Variants in CROCC2 observed in about 807,000 individuals in gnomAD.
CROCC2 encodes ciliary rootlet coiled-coil protein 2.
A neutral mutation model predicts 177.6 loss-of-function variants in CROCC2; 163 were observed. The observed-to-expected ratio is 0.92, with a 90% CI of 0.81 to 1.05. The LOEUF (loss-of-function observed/expected upper bound fraction) is 1.05. CROCC2 is among the 50% of genes least tolerant of loss of function. The pLI is 0.00. For missense variants in CROCC2, 1,929 were observed against 1,797.8 expected (o/e 1.07, Z -1.32); for synonymous variants, 904 against 787.3 (o/e 1.15, Z -2.48).
intron 14 of CROCC2, among the ~76,000 whole-genome samples, chr2:240,945,533 T>G (rs902957341): frequency 6.6e-6 from 1 of 152,190 alleles, no homozygotes; most frequent in East Asian, 1.9e-4. Context: ...AATGAGCAAA[T>G]GCCTTGAGGA....
intron 14 of CROCC2, among the ~76,000 whole-genome samples, chr2:240,944,329 A>G (rs567771583): frequency 6.6e-6 from 1 of 152,190 alleles, no homozygotes; most frequent in Non-Finnish European, 1.5e-5. Flanking sequence ...GTTACAGCTC[A>G]TTTTAAGTCT....
rs748337456 is a variant in CROCC2 at position 240,973,054 on chromosome 2, T to G, written c.4401+4792T>G. The stretch of plus-strand genomic sequence containing the variant: ...GCAGGCCTGGTGCCTCTCCTGGCTC[T>G]GCCAAGCTCCCGGCACAGTCTAGAG... On this transcript the variant is annotated intron_variant, in intron 27 of 31. Transcript: ENST00000690015. This position sits in a 1 kb window ranked among gnomAD's most constrained non-coding sequence, Gnocchi z 4.7. Among the ~76,000 whole-genome samples, 1 of 152,202 alleles carries G rather than the reference T, an allele frequency of 6.6e-6. No individual in the cohort carries two copies. Among genetic ancestry groups the G allele is most frequent in the Non-Finnish European group, 1.5e-5 (1 of 68,028 alleles).
intron 14 of CROCC2, among the ~76,000 whole-genome samples, chr2:240,940,940 A>G (rs2059491694): frequency 6.6e-6 from 1 of 152,262 alleles, no homozygotes; most frequent in Admixed American, 6.5e-5. Flanking sequence ...TCATATACCT[A>G]AAGACTCCTC....
chr2:240,985,490 CACACACACACCCAGGCACTCACTCT>C (rs2059832446), intron 28 of CROCC2, among the ~76,000 whole-genome samples: 2 of 26,714 alleles, frequency 7.5e-5, no homozygotes, highest in African/African-American at 2.5e-4. Flanking sequence ...GCACTCACTC[CACACACACACCCAGGCACTCACTCT>C]ACACACACAC....
intron 27 of CROCC2, among the ~76,000 whole-genome samples, chr2:240,981,159 A>C (rs1268117439): frequency 6.8e-6 from 1 of 146,622 alleles, no homozygotes; most frequent in Non-Finnish European, 1.5e-5. Context: ...CTGGGGTAGG[A>C]GCCTCTGGAG....
chr2:240,948,766 G>A (rs573300731), intron 15 of CROCC2, among the ~76,000 whole-genome samples: 1 of 152,156 alleles, frequency 6.6e-6, no homozygotes. Flanking sequence ...GGCTTTTTGG[G>A]GGGACTCTTT....
intron 5 of CROCC2, 82 bp from the exon 6 acceptor site, chr2:240,930,084 G>T: frequency 1.9e-6 from 1 of 518,996 alleles, no homozygotes; most frequent in South Asian, 3.6e-5. Context: ...CATGGAGAGG[G>T]ACATGCACTT....
chr2:240,966,687 A>T (rs898741553), intron 25 of CROCC2, among the ~76,000 whole-genome samples: 1 of 152,114 alleles, frequency 6.6e-6, no homozygotes, highest in Admixed American at 6.5e-5. Context: ...TCTGCAACTC[A>T]TGCCACCCCT....
At chr2:240,967,302 C>T (rs995620897) in intron 25 of CROCC2, 43 bp from the exon 26 acceptor site, 20 of 631,262 alleles carry the variant, frequency 3.2e-5, no homozygotes, top group South Asian at 5.4e-5. Context: ...GCCCTCCACC[C>T]GCCCATTGGA....
Position 240,966,377 on chromosome 2 carries a change from G to T in CROCC2, c.4114G>T (p.Val1372Leu), listed in dbSNP as rs966192431. 13 of 401,926 alleles carry T rather than the reference G, an allele frequency of 3.2e-5. No individual in the cohort carries two copies. Among genetic ancestry groups the T allele is most frequent in the Non-Finnish European group, 4.8e-5 (11 of 227,128 alleles). The allele number at this position is 401,926 out of a possible 1,614,324, so 24.9% of individuals were successfully genotyped here. Residue 1372 changes from valine (V) to leucine (L), a missense_variant, in exon 25 of 32, where the codon GTG becomes TTG. By Grantham distance (32) the Val-to-Leu change is conservative (BLOSUM62 1). Coordinates refer to ENST00000690015, the MANE Select transcript of CROCC2 (RefSeq NM_001351305.2). ...ATVQDILRDF[V>L]QKLREAQRER... ...CGTGCAGGACATCCTGCGGGACTTT[G>T]TGCAGAAGCTCCGGGAAGCCCAGCG...
intron 20 of CROCC2, among the ~76,000 whole-genome samples, chr2:240,961,559 ACACT>A (rs1447490052): frequency 2.0e-4 from 28 of 140,916 alleles, no homozygotes; most frequent in East Asian, 1.2e-3. Flanking sequence ...CACACTCATC[ACACT>A]CACACACTCA....
chr2:240,956,227 G>A (rs991531194), intron 19 of CROCC2: 10 of 509,414 alleles, frequency 2.0e-5, no homozygotes, highest in African/African-American at 1.7e-4. Flanking sequence ...GGGCTGGCAG[G>A]GGCCAGAGAG....
Position 240,964,269 on chromosome 2 carries a change from C to A in CROCC2, c.3306-197C>A. 6 of 632,108 alleles carry A rather than the reference C, an allele frequency of 9.5e-6. No individual in the cohort carries two copies. The South Asian group carries it at 1.2e-4, about 12-fold the overall frequency. 39.2% of individuals were successfully genotyped at this position (632,108 alleles called of 1,614,324 possible). A position where few individuals can be genotyped will look rare whatever the true frequency, so the allele number is the denominator to read the frequency against. The stretch of plus-strand genomic sequence containing the variant: ...TGAAGAGGTGGATAGTGGACAGGGG[C>A]CATGCGGCCGGCACCGGGACCTGGG... On this transcript the variant is annotated intron_variant, in intron 21 of 31. Transcript: ENST00000690015.
At chr2:240,925,559 G>A (rs957889674) in intron 4 of CROCC2, among the ~76,000 whole-genome samples, 165 bp from the exon 5 acceptor site, 1 of 152,168 alleles carries the variant, frequency 6.6e-6, no homozygotes, top group African/African-American at 2.4e-5. Context: ...TCCTTTGTGG[G>A]GCCCATGGCA....
At chr2:240,951,204 C>A (rs2059554034) in intron 18 of CROCC2, among the ~76,000 whole-genome samples, 1 of 151,534 alleles carries the variant, frequency 6.6e-6, no homozygotes, top group South Asian at 2.1e-4. Context: ...TCCATTCATT[C>A]ATCCATCCGT....
chr2:240,950,066 C>G (rs1202476092), intron 17 of CROCC2, among the ~76,000 whole-genome samples: 1 of 152,166 alleles, frequency 6.6e-6, no homozygotes, highest in East Asian at 1.9e-4. Flanking sequence ...GTCTTTACAC[C>G]CCTCCGTGGC....
In CROCC2 at chr2:240,918,365, T is replaced by A. The variant is rs1411284108; in HGVS notation, c.79-361T>A. Among the ~76,000 whole-genome samples the A allele has an allele frequency of 1.3e-5, 2 of 152,158 alleles. No homozygotes were observed. Among genetic ancestry groups the A allele is most frequent in the East Asian group, 3.9e-4 (2 of 5,176 alleles). ...GTGGGCGAGGATGTTGGGTTTCTTGTGGAGCAGAGGCAAAGGAACCTGCCT... is the reference window on the plus strand; with the variant it reads ...GTGGGCGAGGATGTTGGGTTTCTTGAGGAGCAGAGGCAAAGGAACCTGCCT... On this transcript the variant is annotated intron_variant, in intron 1 of 31. Coordinates refer to ENST00000690015, the MANE Select transcript of CROCC2 (RefSeq NM_001351305.2). The surrounding 1 kb of genome is among the most constrained non-coding windows in gnomAD (Gnocchi z 6.3).
chr2:240,975,879 G>A (rs1456865224), intron 27 of CROCC2, among the ~76,000 whole-genome samples: 4 of 151,880 alleles, frequency 2.6e-5, no homozygotes, highest in Admixed American at 6.6e-5. Flanking sequence ...ACAGGCGCCC[G>A]CCACCACGCC....
chr2:240,967,167 T>C (rs918159884), intron 25 of CROCC2, among the ~76,000 whole-genome samples, 178 bp from the exon 26 acceptor site: 26 of 151,916 alleles, frequency 1.7e-4, no homozygotes, highest in African/African-American at 6.3e-4. Context: ...AGCTTCCCAG[T>C]GTGATCACCT....
Sources: allele counts gnomAD v4.1 joint callset (sites outside exome capture counted in the v4.1 genomes callset), GRCh38; gene constraint gnomAD v4.1.1; non-coding constraint Gnocchi (gnomAD v3.1); transcripts MANE v1.5; gene names NCBI Gene and HGNC (gene_info 2026-07-23, HGNC 2026-07-21).